Variants in KLHL32 observed in about 807,000 individuals in gnomAD.
KLHL32 encodes the protein kelch-like protein 32.
A neutral mutation model predicts 64.8 loss-of-function variants in KLHL32; 35 were observed. The observed-to-expected ratio is 0.54, with a 90% CI of 0.41 to 0.72. The LOEUF (loss-of-function observed/expected upper bound fraction) is 0.72, where lower values mean the gene tolerates loss of function less well. KLHL32 is among the 30% of genes least tolerant of loss of function. The pLI is 0.00. For synonymous variants in KLHL32, 259 were observed against 281.0 expected (o/e 0.92, Z 0.78); for missense variants, 589 against 768.5 (o/e 0.77, Z 2.76).
At chr6:97,082,618 A>AT (rs1792738339) in intron 5 of KLHL32, among the ~76,000 whole-genome samples, 1 of 151,614 alleles carries the variant, frequency 6.6e-6, no homozygotes, top group African/African-American at 2.4e-5. Context: ...CATCTCAAAA[A>AT]AAAAAAATAA....
intron 3 of KLHL32, among the ~76,000 whole-genome samples, chr6:96,980,813 A>G (rs1483851960): frequency 6.6e-6 from 1 of 152,108 alleles, no homozygotes; most frequent in Non-Finnish European, 1.5e-5. Flanking sequence ...GTTAATAGGT[A>G]TATTAGTCCG....
At chr6:97,019,642 A>G (rs1183155480) in intron 3 of KLHL32, among the ~76,000 whole-genome samples, 1 of 152,210 alleles carries the variant, frequency 6.6e-6, no homozygotes, top group Non-Finnish European at 1.5e-5. Context: ...GTGGCACATC[A>G]GTGTCCTCTC....
chr6:97,115,133 A>G (rs1191571400), intron 7 of KLHL32, among the ~76,000 whole-genome samples: 3 of 152,094 alleles, frequency 2.0e-5, no homozygotes, highest in Non-Finnish European at 4.4e-5. Context: ...CTCCCACCTC[A>G]GCTTCCCAAA....
At chr6:96,997,018 A>T (rs1313261180) in intron 3 of KLHL32, among the ~76,000 whole-genome samples, 1 of 152,046 alleles carries the variant, frequency 6.6e-6, no homozygotes, top group East Asian at 1.9e-4. Context: ...ATTGTGATGG[A>T]TGGCGATGGG....
At chr6:97,105,387 G>A (rs1796271236) in intron 6 of KLHL32, 1 of 468,738 alleles carries the variant, frequency 2.1e-6, no homozygotes, top group Non-Finnish European at 4.4e-6. Flanking sequence ...GGAGGTTCAG[G>A]AGTGAGTTTT....
chr6:97,092,102 G>A (rs1794343597), intron 6 of KLHL32, among the ~76,000 whole-genome samples: 1 of 151,722 alleles, frequency 6.6e-6, no homozygotes, highest in Non-Finnish European at 1.5e-5. Flanking sequence ...TGATTCTCCA[G>A]CCTCCGCCTC....
At chr6:97,135,299 ATTTTTTTTTTT>A (rs747635380) in intron 10 of KLHL32, among the ~76,000 whole-genome samples, 24 of 109,572 alleles carry the variant, frequency 2.2e-4, no homozygotes, top group African/African-American at 6.1e-4. Flanking sequence ...AAATTTGTTA[ATTTTTTTTTTT>A]TTTTTTTTTT....
At chr6:96,942,669 G>A (rs1443122315) in intron 1 of KLHL32, among the ~76,000 whole-genome samples, 2 of 151,212 alleles carry the variant, frequency 1.3e-5, no homozygotes, top group Non-Finnish European at 2.9e-5. Context: ...GTGTGTGTGT[G>A]TGTGTGTGTG....
chr6:97,041,708 A>G (rs1281178659), intron 4 of KLHL32, 109 bp downstream of exon 4: 1 of 620,340 alleles, frequency 1.6e-6, no homozygotes, highest in Non-Finnish European at 2.8e-6. Context: ...ACTCATTTTG[A>G]TGTTAAAAAT....
chr6:96,971,783 T>C (rs917670677), intron 2 of KLHL32, among the ~76,000 whole-genome samples: 2 of 152,184 alleles, frequency 1.3e-5, no homozygotes, highest in African/African-American at 4.8e-5. Flanking sequence ...GAGTATCCAA[T>C]AGAACCATAA....
chr6:97,060,394 A>G (rs1347380736), intron 4 of KLHL32, among the ~76,000 whole-genome samples: 9 of 152,186 alleles, frequency 5.9e-5, no homozygotes, highest in Non-Finnish European at 1.2e-4. Context: ...GATGAGCTGA[A>G]GAAGGAGGGG....
rs1175891917 is a variant in KLHL32, at chr6:97,082,622, A to AT, written c.412-2504_412-2503insT. ...GAGCAAGATTCCATCTCAAAAAAAA[A>AT]AAATAAATAAATAAAAAGAAAGAAA... On this transcript the variant is annotated intron_variant, in intron 5 of 10. Transcript: ENST00000369261. Among the ~76,000 whole-genome samples, 508 of 151,758 alleles carry AT rather than the reference A, an allele frequency of 3.3e-3. 3 individuals carry two copies. Among genetic ancestry groups the AT allele is most frequent in the East Asian group, 0.012 (60 of 5,160 alleles).
Position 97,114,236 on chromosome 6 carries a change from C to T in KLHL32, c.1081C>T (p.Arg361Trp), listed in dbSNP as rs772967982. 19 of 1,614,084 alleles carry T rather than the reference C, an allele frequency of 1.2e-5. No individual in the cohort carries two copies. Among genetic ancestry groups the T allele is most frequent in the East Asian group, 2.2e-5 (1 of 44,870 alleles). The change falls in exon 7 of 11, where the codon CGG (arginine) becomes TGG (tryptophan). Residue 361 changes from arginine (R) to tryptophan (W), a missense_variant. Transcript: ENST00000369261. ...AGGGGAAGTTGAGCATGCCAGTGGC[C>T]GGACGTGTGCTGTGAGGACTGCCTG... is the stretch of plus-strand genomic sequence containing the variant. The part of the protein sequence containing the change: ...AGGEVEHASG[R>W]TCAVRTACRY...
intron 6 of KLHL32, among the ~76,000 whole-genome samples, chr6:97,086,108 G>A (rs1006322048): frequency 6.6e-6 from 1 of 152,156 alleles, no homozygotes; most frequent in Non-Finnish European, 1.5e-5. Context: ...GCACTGGCTA[G>A]CCATTTTGTT....
chr6:97,120,737 C>T (rs1206151), intron 7 of KLHL32, among the ~76,000 whole-genome samples: 80,885 of 152,006 alleles, frequency 0.53, 22,159 homozygotes, highest in African/African-American at 0.66. Context: ...GTGAGGAAGC[C>T]ACTTGCCTGG....
intron 6 of KLHL32, among the ~76,000 whole-genome samples, chr6:97,097,812 T>C (rs557600755): frequency 6.6e-6 from 1 of 152,348 alleles, no homozygotes; most frequent in African/African-American, 2.4e-5. Flanking sequence ...AGGGATACTT[T>C]AGCCAGTTTG....
chr6:97,079,938 C>T (rs775258869), intron 5 of KLHL32, among the ~76,000 whole-genome samples: 1 of 152,012 alleles, frequency 6.6e-6, no homozygotes, highest in Non-Finnish European at 1.5e-5. Context: ...CATTCAAAAC[C>T]ACTACCGCTA....
chr6:97,052,251 G>T (rs768191560), intron 4 of KLHL32, among the ~76,000 whole-genome samples: 2 of 152,192 alleles, frequency 1.3e-5, no homozygotes, highest in Non-Finnish European at 2.9e-5. Flanking sequence ...TGGGACAGCA[G>T]ATGCACATGC....
At chr6:97,096,222 G>C (rs760830) in intron 6 of KLHL32, among the ~76,000 whole-genome samples, 25,474 of 152,100 alleles carry the variant, frequency 0.17, 2,459 homozygotes, top group East Asian at 0.3. Context: ...GCCAACAGCC[G>C]TCCTGTCCTC....
Sources: gnomAD v4.1 joint callset for allele counts (sites outside exome capture counted in the v4.1 genomes callset) on GRCh38, gnomAD v4.1.1 for gene constraint, MANE v1.5 for transcripts, NCBI Gene and HGNC (gene_info 2026-07-23, HGNC 2026-07-21) for gene names.